Variants in ZAN observed in about 807,000 individuals in gnomAD.
ZAN encodes the protein zonadhesin (gene/pseudogene).
In ZAN, 260 loss-of-function variants were observed where a neutral mutation model predicts 286.2. That is an observed-to-expected ratio of 0.91 (90% CI 0.82 to 1.01). The LOEUF (loss-of-function observed/expected upper bound fraction) is 1.01, where lower values mean the gene tolerates loss of function less well. ZAN is among the 50% of genes least tolerant of loss of function. The probability of loss-of-function intolerance (pLI) is 0.00; values close to 1 mark genes in which losing one functional copy is unlikely to be tolerated. For synonymous variants in ZAN, 1,368 were observed against 1,417.5 expected, an observed-to-expected ratio of 0.97 and a Z score of 0.79; for missense variants, 3,410 against 3,639.2, an observed-to-expected ratio of 0.94 and a Z score of 1.62.
At chr7:100,750,377 C>T (rs1272494278) in intron 11 of ZAN, among the ~76,000 whole-genome samples, 1 of 152,068 alleles carries the variant, frequency 6.6e-6, no homozygotes, top group Non-Finnish European at 1.5e-5. Context: ...CCTCGTGATC[C>T]GCCAGCCTCG....
chr7:100,773,775 G>A lies in ZAN; in HGVS notation c.5689G>A (p.Val1897Ile), dbSNP rs539102162. The A allele has an allele frequency of 2.0e-5, 33 of 1,612,072 alleles. No individual in the cohort carries two copies. The highest frequency in any genetic ancestry group is 8.4e-5 in the Admixed American group (5 of 59,718). ...NTCTRLCTCSVHNNITCFQST... is the reference protein window; with the variant it reads ...NTCTRLCTCSIHNNITCFQST... ...CTGCACCAGGCTCTGCACCTGCTCC[G>A]TCCACAACAACATCACCTGCTTCCA... The change falls in exon 31 of 48, where the codon GTC becomes ATC. Residue 1897 changes from valine (V) to isoleucine (I), a missense_variant. Val to Ile is a conservative substitution (Grantham distance 29). Around this residue, in one of 7 missense-constraint regions of ZAN, gnomAD observed 1,289 missense variants for 1,314.3 expected, o/e 0.98. Transcript: ENST00000613979.
chr7:100,738,878 C>CTT (rs1562911312), intron 7 of ZAN, among the ~76,000 whole-genome samples: 41 of 2,852 alleles, frequency 0.014, 1 homozygote, highest in East Asian at 0.075. Flanking sequence ...TCTTCTTCTC[C>CTT]CTCTCCCTCT....
chr7:100,771,215 T>C (rs1388332724), intron 28 of ZAN, among the ~76,000 whole-genome samples: 2 of 152,144 alleles, frequency 1.3e-5, no homozygotes, highest in Non-Finnish European at 2.9e-5. Context: ...GCTGAGGTTA[T>C]AGGCGGGAGC....
chr7:100,794,074 C>T (rs1184161252), intron 43 of ZAN, 46 bp from the exon 44 acceptor site: 6 of 1,613,568 alleles, frequency 3.7e-6, no homozygotes, highest in Non-Finnish European at 5.1e-6. Context: ...AGAGCCAGAC[C>T]AGGGATGGAA....
At chr7:100,750,175 T>C (rs1289542799) in intron 11 of ZAN, among the ~76,000 whole-genome samples, 1 of 151,292 alleles carries the variant, frequency 6.6e-6, no homozygotes, top group Non-Finnish European at 1.5e-5. Flanking sequence ...TCTTGCTCTG[T>C]TGCCAGGCTG....
chr7:100,767,329 G>A lies in ZAN; in HGVS notation c.4860+72G>A. The A allele has an allele frequency of 1.9e-6, 3 of 1,543,312 alleles. No homozygotes were observed. In the South Asian group the frequency reaches 3.7e-5, roughly 19 times the overall value. ...TTGCTTCTCTCCTGTGCCCCTCCTT[G>A]CCCGGATGCCCACCTCTCTGGCTCC... On this transcript the variant is annotated intron_variant, in intron 25 of 47. Transcript: ENST00000613979.
rs768876359 is a variant in ZAN at position 100,793,870 on chromosome 7, C to T, written c.7838C>T (p.Pro2613Leu). The T allele has an allele frequency of 4.3e-6, 7 of 1,613,648 alleles. No homozygotes were observed. The South Asian group carries it at 6.6e-5, about 15-fold the overall frequency. ...YHISELYDTL[P>L]SILCQPGRPR... ...ATATCAGAGCTGTATGACACCCTGC[C>T]CAGCATCCTGTGCCAACCTGGCAGA... Residue 2613 changes from proline (P) to leucine (L), a missense_variant, in exon 43 of 48, where the codon CCC becomes CTC. Transcript: ENST00000613979.
At chr7:100,796,586 T>C (rs1812380873) in intron 45 of ZAN, among the ~76,000 whole-genome samples, 1 of 152,034 alleles carries the variant, frequency 6.6e-6, no homozygotes, top group African/African-American at 2.4e-5. Context: ...CCGGCTATTT[T>C]TGTATTTTTA....
At position 100,767,844 on chromosome 7, in the gene ZAN, G is replaced by A. The variant is rs74848966; in HGVS notation, c.4874G>A (p.Arg1625Gln). 4,786 of 1,612,954 alleles carry A rather than the reference G, an allele frequency of 3.0e-3. 8 individuals are homozygous for A. Among genetic ancestry groups the A allele is most frequent in the Non-Finnish European group, 3.8e-3 (4,453 of 1,179,528 alleles). Residue 1625 changes from arginine to glutamine, a missense_variant, in exon 26 of 48, where the codon CGG becomes CAG. This residue lies in a region of ZAN where 1,042 missense variants were observed against 1,058.0 expected (regional missense o/e 0.98). Coordinates refer to ENST00000613979, the MANE Select transcript of ZAN (RefSeq NM_003386.3). ...CTGCCTCTGCAGCTGAATGGCCATCGGGTGGCCCTACCTGTGTGGCTTGCA... is the reference window on the plus strand; with the variant it reads ...CTGCCTCTGCAGCTGAATGGCCATCAGGTGGCCCTACCTGTGTGGCTTGCA... ...RGCKVMLNGH[R>Q]VALPVWLAQG...
rs147523532 is a variant in ZAN, at chr7:100,785,209, CACAA to C, written c.6834+379_6834+382del. Among the ~76,000 whole-genome samples the C allele has an allele frequency of 1.4e-3, 202 of 147,296 alleles. 1 individual carries two copies. Among genetic ancestry groups the C allele is most frequent in the African/African-American group, 5.0e-3 (199 of 40,076 alleles). On this transcript the variant is annotated intron_variant, in intron 36 of 47. Transcript: ENST00000613979. ...TGCACAACATATGTAAGTCACCAAGCACAAACACAGTGCCTTTTTTTTTTTTTTT... is the reference window on the plus strand; with the variant it reads ...TGCACAACATATGTAAGTCACCAAGCACACAGTGCCTTTTTTTTTTTTTTT...
intron 35 of ZAN, among the ~76,000 whole-genome samples, chr7:100,781,320 C>G (rs979406950): frequency 6.6e-6 from 1 of 152,120 alleles, no homozygotes; most frequent in African/African-American, 2.4e-5. Context: ...CCTGCCTTGG[C>G]CTCCCAAAGT....
intron 34 of ZAN, among the ~76,000 whole-genome samples, chr7:100,778,040 C>G (rs1444413932): frequency 6.6e-6 from 1 of 152,084 alleles, no homozygotes; most frequent in Non-Finnish European, 1.5e-5. Flanking sequence ...GAGGCTCATG[C>G]CTGTGATTCC....
chr7:100,792,910 C>CAG, intron 42 of ZAN, among the ~76,000 whole-genome samples: 1 of 146,532 alleles, frequency 6.8e-6, no homozygotes, highest in Non-Finnish European at 1.5e-5. Flanking sequence ...CCAGGAGTTC[C>CAG]AGCCAGGCTG....
intron 35 of ZAN, among the ~76,000 whole-genome samples, chr7:100,783,827 T>C (rs371424003): frequency 1.5e-5 from 2 of 129,496 alleles, no homozygotes; most frequent in African/African-American, 5.8e-5. Flanking sequence ...CATATATATA[T>C]ATGTATATTT....
intron 7 of ZAN, among the ~76,000 whole-genome samples, chr7:100,742,959 G>T (rs545218585): frequency 8.3e-6 from 1 of 120,182 alleles, no homozygotes; most frequent in Non-Finnish European, 1.8e-5. Flanking sequence ...AGGAGAACAG[G>T]CAAGGGTCGA....
Position 100,750,648 on chromosome 7 carries a change from G to C in ZAN, c.1273G>C (p.Ala425Pro). The change falls in exon 12 of 48, where the codon GCT (alanine) becomes CCT (proline). Residue 425 changes from alanine to proline, a missense_variant. By Grantham distance (27) the Ala-to-Pro change is conservative. This residue lies in a region of ZAN where 872 missense variants were observed against 938.9 expected (regional missense o/e 0.93). Coordinates refer to ENST00000613979, the MANE Select transcript of ZAN (RefSeq NM_003386.3). ...AGGGGGTCACTATATCTACCTTGAG[G>C]CTGACGAGTTCTCCCAGGCAGGCCA... ...NAGGHYIYLE[A>P]DEFSQAGQSV... The C allele has an allele frequency of 6.2e-7, 1 of 1,613,430 alleles. No homozygotes were observed. Among genetic ancestry groups the C allele is most frequent in the Non-Finnish European group, 8.5e-7 (1 of 1,179,720 alleles).
At chr7:100,744,719 G>A (rs1808060886) in intron 7 of ZAN, among the ~76,000 whole-genome samples, 3 of 151,482 alleles carry the variant, frequency 2.0e-5, no homozygotes, top group Admixed American at 6.6e-5. Flanking sequence ...ACCGTGTACC[G>A]CGCCCAGCAG....
rs745444877 is a variant in ZAN, at chr7:100,791,076, G to A, written c.7492G>A (p.Glu2498Lys). 5.0e-6 allele frequency: 8 copies of A among 1,612,974 alleles called. No homozygotes were observed. Among genetic ancestry groups the A allele is most frequent in the Admixed American group, 1.7e-5 (1 of 59,854 alleles). ...QNLNTFGNSWEVKTEDALLRF... is the reference protein window; with the variant it reads ...QNLNTFGNSWKVKTEDALLRF... Reference sequence around the variant, plus strand: ...CCTCAACACCTTTGGCAACAGCTGGGAGGTGAAGACCGAGGACGCACTCCT... The same window carrying A: ...CCTCAACACCTTTGGCAACAGCTGGAAGGTGAAGACCGAGGACGCACTCCT... The change falls in exon 40 of 48, where the codon GAG becomes AAG. Residue 2498 changes from glutamate to lysine, a missense_variant. Coordinates refer to ENST00000613979, the MANE Select transcript of ZAN (RefSeq NM_003386.3).
At chr7:100,759,089 G>T (rs1368939168) in intron 17 of ZAN, among the ~76,000 whole-genome samples, 7 of 152,108 alleles carry the variant, frequency 4.6e-5, no homozygotes, top group South Asian at 2.1e-4. Flanking sequence ...GCCAGGCTTG[G>T]TGGCAGGCAC....
Sources: gnomAD v4.1 joint callset for allele counts (sites outside exome capture counted in the v4.1 genomes callset) on GRCh38, gnomAD v4.1.1 for gene constraint, gnomAD v4.1.1 regional missense constraint, MANE v1.5 for transcripts, NCBI Gene and HGNC (gene_info 2026-07-23, HGNC 2026-07-21) for gene names.